Variants in PAK5 observed in about 807,000 individuals in gnomAD.
The protein encoded by PAK5 is serine/threonine-protein kinase PAK 5.
PAK5 carries 16 observed loss-of-function variants against 65.9 expected under a neutral mutation model. The observed-to-expected ratio is 0.24, with a 90% CI of 0.16 to 0.37. The LOEUF is 0.37. PAK5 is among the 10% of genes least tolerant of loss of function. PAK5 has a pLI of 1.00. For synonymous variants in PAK5, 371 were observed against 354.9 expected (o/e 1.05, Z -0.51); for missense variants, 785 against 903.9 (o/e 0.87, Z 1.69).
chr20:9,725,589 T>C (rs887035216), intron 1 of PAK5, among the ~76,000 whole-genome samples: 2 of 152,168 alleles, frequency 1.3e-5, no homozygotes, highest in Non-Finnish European at 1.5e-5. Flanking sequence ...ATAGAAGTAA[T>C]GTTTTGGTTC....
chr20:9,732,089 T>C (rs1005837923), intron 1 of PAK5, among the ~76,000 whole-genome samples: 1 of 152,116 alleles, frequency 6.6e-6, no homozygotes, highest in African/African-American at 2.4e-5. Flanking sequence ...TTAGGTCAAA[T>C]AGAAGGTACA....
At chr20:9,723,291 A>C in intron 1 of PAK5, among the ~76,000 whole-genome samples, 1 of 152,182 alleles carries the variant, frequency 6.6e-6, no homozygotes, top group East Asian at 1.9e-4. Flanking sequence ...TCAATTCTAG[A>C]TGTATTTTGA....
chr20:9,704,671 C>G (rs1260650066), intron 2 of PAK5, among the ~76,000 whole-genome samples: 2 of 152,032 alleles, frequency 1.3e-5, no homozygotes, highest in Non-Finnish European at 2.9e-5. Context: ...GCACTAAGCG[C>G]TGAGGTTTTA....
intron 3 of PAK5, among the ~76,000 whole-genome samples, chr20:9,610,201 C>T (rs931422454): frequency 6.6e-6 from 1 of 152,174 alleles, no homozygotes; most frequent in African/African-American, 2.4e-5. Flanking sequence ...TAATAAACTT[C>T]ACAGTTATTT....
intron 2 of PAK5, among the ~76,000 whole-genome samples, chr20:9,678,629 A>G (rs2047608013): frequency 6.6e-6 from 1 of 152,124 alleles, no homozygotes; most frequent in African/African-American, 2.4e-5. Context: ...AAGAGGTTTA[A>G]TTGACTCACA....
chr20:9,823,325 A>G (rs2049445337), intron 1 of PAK5, among the ~76,000 whole-genome samples: 1 of 152,144 alleles, frequency 6.6e-6, no homozygotes, highest in Admixed American at 6.5e-5. Flanking sequence ...ACCCAGTCTA[A>G]TGTATTTTGT....
chr20:9,633,432 C>T (rs2046946849), intron 3 of PAK5, among the ~76,000 whole-genome samples: 1 of 152,098 alleles, frequency 6.6e-6, no homozygotes, highest in Non-Finnish European at 1.5e-5. Context: ...GGTGAATTTG[C>T]ACTAATCAAT....
chr20:9,659,169 A>G (rs1359051262), intron 2 of PAK5, among the ~76,000 whole-genome samples: 1 of 152,230 alleles, frequency 6.6e-6, no homozygotes, highest in East Asian at 1.9e-4. Context: ...CTGGCAATCA[A>G]AATGAGATCT....
chr20:9,824,626 G>T (rs551673982), intron 1 of PAK5, among the ~76,000 whole-genome samples: 10 of 152,040 alleles, frequency 6.6e-5, no homozygotes, highest in African/African-American at 2.4e-4. Flanking sequence ...GTATCTACAC[G>T]GCAATTTCCT....
chr20:9,644,104 A>G (rs2047102481), intron 3 of PAK5, 21 bp downstream of exon 3: 4 of 1,593,912 alleles, frequency 2.5e-6, no homozygotes, highest in Non-Finnish European at 3.4e-6. Flanking sequence ...AGCCCAGCCA[A>G]AGATGGAGCC....
intron 1 of PAK5, among the ~76,000 whole-genome samples, chr20:9,751,031 T>C (rs2048570661): frequency 6.6e-6 from 1 of 152,172 alleles, no homozygotes; most frequent in Non-Finnish European, 1.5e-5. Context: ...AAAGAGATTG[T>C]AGATATTTGG....
chr20:9,583,207 A>G (rs372366114), intron 3 of PAK5, among the ~76,000 whole-genome samples: 6 of 152,330 alleles, frequency 3.9e-5, no homozygotes, highest in African/African-American at 1.4e-4. Context: ...ATCTGTATCT[A>G]TATTAACCTA....
At chr20:9,548,580 C>A (rs573576490) in intron 7 of PAK5, among the ~76,000 whole-genome samples, 1 of 152,188 alleles carries the variant, frequency 6.6e-6, no homozygotes, top group Admixed American at 6.5e-5. Flanking sequence ...GGGACAACAA[C>A]TCTGCTTTCT....
chr20:9,733,797 C>G (rs1359728310), intron 1 of PAK5, among the ~76,000 whole-genome samples: 2 of 152,170 alleles, frequency 1.3e-5, no homozygotes, highest in African/African-American at 4.8e-5. Context: ...GCCATGATGG[C>G]TGGTCATTTG....
At chr20:9,752,338 C>A (rs944822262) in intron 1 of PAK5, among the ~76,000 whole-genome samples, 1 of 152,034 alleles carries the variant, frequency 6.6e-6, no homozygotes, top group Non-Finnish European at 1.5e-5. Context: ...CAGAAAGGAG[C>A]ATAGATTTAT....
chr20:9,640,544 C>T (rs2047042339), intron 3 of PAK5, among the ~76,000 whole-genome samples: 1 of 152,112 alleles, frequency 6.6e-6, no homozygotes. Flanking sequence ...GTGTTTATAG[C>T]AGCATGTTTT....
intron 4 of PAK5, among the ~76,000 whole-genome samples, chr20:9,571,641 AG>A (rs1178895008): frequency 6.6e-6 from 1 of 152,224 alleles, no homozygotes; most frequent in African/African-American, 2.4e-5. Context: ...TCTACATGCC[AG>A]GGACTGTTCT....
chr20:9,727,943 A>G (rs893678368), intron 1 of PAK5, among the ~76,000 whole-genome samples: 2 of 152,066 alleles, frequency 1.3e-5, no homozygotes, highest in Admixed American at 6.5e-5. Flanking sequence ...TTCTTCAAGG[A>G]GACTCATTTT....
In PAK5 at chr20:9,674,837, C is replaced by T. The variant is rs1240937828; in HGVS notation, c.-11-30498G>A. ...TCCCAGGCAAAGGGAGCTTGTACCC[C>T]ATGTCAGTCATGTTTGTAACCCATG... is the stretch of plus-strand genomic sequence containing the variant. On this transcript the variant is annotated intron_variant, in intron 2 of 9. Coordinates refer to ENST00000353224, the MANE Select transcript of PAK5 (RefSeq NM_177990.4). 3.3e-5 allele frequency among the ~76,000 whole-genome samples: 5 copies of T among 152,266 alleles called. No individual in the cohort carries two copies. In the East Asian group the frequency reaches 9.7e-4, roughly 29 times the overall value.
Sources: gnomAD v4.1 joint callset for allele counts (sites outside exome capture counted in the v4.1 genomes callset) on GRCh38, gnomAD v4.1.1 for gene constraint, MANE v1.5 for transcripts, NCBI Gene and HGNC (gene_info 2026-07-23, HGNC 2026-07-21) for gene names.